The following TMCC1 variants were observed in gnomAD, a reference collection of about 807,000 sequenced individuals.
The protein encoded by TMCC1 is transmembrane and coiled-coil domains protein 1.
TMCC1 carries 15 observed loss-of-function variants against 52.4 expected under a neutral mutation model. The observed-to-expected ratio is 0.29, with a 90% CI of 0.19 to 0.44. The LOEUF (loss-of-function observed/expected upper bound fraction) is 0.44, where lower values mean the gene tolerates loss of function less well. TMCC1 is among the 20% of genes least tolerant of loss of function. The pLI is 1.00. For missense variants in TMCC1, 503 were observed against 806.0 expected (o/e 0.62, Z 4.55); for synonymous variants, 279 against 301.9 (o/e 0.92, Z 0.79).
intron 2 of TMCC1, among the ~76,000 whole-genome samples, chr3:129,837,375 C>T (rs963720339): frequency 6.6e-6 from 1 of 152,024 alleles, no homozygotes; most frequent in Non-Finnish European, 1.5e-5. Context: ...AAACCCAAAG[C>T]CAAGCAGGAA....
chr3:129,804,025 A>G (rs890760932), intron 4 of TMCC1, among the ~76,000 whole-genome samples: 1 of 152,158 alleles, frequency 6.6e-6, no homozygotes. Flanking sequence ...GAACATGAAC[A>G]TTACCTTAGT....
intron 2 of TMCC1, among the ~76,000 whole-genome samples, chr3:129,872,692 CATA>C (rs972739023): frequency 1.1e-4 from 17 of 151,742 alleles, no homozygotes; most frequent in African/African-American, 3.9e-4. Flanking sequence ...GAAAAGCCAA[CATA>C]ATGAGGAAAA....
Position 129,649,663 on chromosome 3 carries a change from A to G in TMCC1, c.*1818T>C, listed in dbSNP as rs926602053. 1.3e-5 allele frequency: 2 copies of G among 152,632 alleles called. No individual in the cohort carries two copies. Among genetic ancestry groups the G allele is most frequent in the Non-Finnish European group, 2.9e-5 (2 of 68,028 alleles). The allele number at this position is 152,632 out of a possible 1,614,324, so 9.5% of individuals were successfully genotyped here. A position where few individuals can be genotyped will look rare whatever the true frequency, so the allele number is the denominator to read the frequency against. The stretch of plus-strand genomic sequence containing the variant: ...ACTGTCCTTTCAGACAGGCAGGGCA[A>G]TGCTAATCTAGTTCTGAAGGAATTT... On this transcript the variant is annotated 3_prime_UTR_variant, in exon 7 of 7. Transcript: ENST00000393238.
At chr3:129,699,424 G>C (rs2047650498) in intron 4 of TMCC1, among the ~76,000 whole-genome samples, 1 of 152,158 alleles carries the variant, frequency 6.6e-6, no homozygotes, top group Admixed American at 6.5e-5. Flanking sequence ...CTAAAAGTGG[G>C]AGGAACCTTG....
chr3:129,734,799 C>G (rs911748680), intron 4 of TMCC1, among the ~76,000 whole-genome samples: 2 of 152,112 alleles, frequency 1.3e-5, no homozygotes, highest in Admixed American at 1.3e-4. Context: ...ATGAAAGTAC[C>G]AAGTTTGAAA....
intron 4 of TMCC1, among the ~76,000 whole-genome samples, chr3:129,727,593 T>C (rs1040511003): frequency 3.3e-5 from 5 of 152,238 alleles, no homozygotes; most frequent in African/African-American, 1.2e-4. Context: ...CAATTATTCC[T>C]TCTTAGATAA....
chr3:129,760,010 C>T (rs2053392270), intron 4 of TMCC1, among the ~76,000 whole-genome samples: 1 of 151,436 alleles, frequency 6.6e-6, no homozygotes, highest in East Asian at 1.9e-4. Context: ...AGTGAGCCAC[C>T]GCACCCGGCC....
intron 4 of TMCC1, among the ~76,000 whole-genome samples, chr3:129,758,999 C>A (rs181061906): frequency 2.6e-5 from 4 of 152,272 alleles, no homozygotes; most frequent in East Asian, 3.9e-4. Context: ...AACTTCCTTC[C>A]TTTTTAAGGC....
At chr3:129,864,079 C>T (rs1481446045) in intron 2 of TMCC1, among the ~76,000 whole-genome samples, 1 of 152,170 alleles carries the variant, frequency 6.6e-6, no homozygotes, top group Non-Finnish European at 1.5e-5. Context: ...CCTCTTGCAT[C>T]CTTGTGCAGT....
chr3:129,834,606 T>C (rs527374173), intron 2 of TMCC1, among the ~76,000 whole-genome samples: 41 of 152,140 alleles, frequency 2.7e-4, no homozygotes, highest in African/African-American at 8.7e-4. Flanking sequence ...TCATGTAAGA[T>C]GCATGAGAGG....
chr3:129,720,113 T>C (rs1009296124), intron 4 of TMCC1, among the ~76,000 whole-genome samples: 1 of 148,162 alleles, frequency 6.7e-6, no homozygotes, highest in Admixed American at 6.9e-5. Flanking sequence ...GCCCAGGAGA[T>C]CCAGGCTGCA....
intron 4 of TMCC1, among the ~76,000 whole-genome samples, chr3:129,748,764 A>G (rs2052225167): frequency 6.6e-6 from 1 of 151,686 alleles, no homozygotes; most frequent in Non-Finnish European, 1.5e-5. Flanking sequence ...GCACTTTGGG[A>G]GGCTGAGGCG....
chr3:129,656,928 A>G (rs556038982), intron 5 of TMCC1, among the ~76,000 whole-genome samples: 2 of 152,328 alleles, frequency 1.3e-5, no homozygotes, highest in South Asian at 4.1e-4. Flanking sequence ...AAATGCCATA[A>G]GATAATGTTA....
At chr3:129,679,497 G>A (rs1369945166) in intron 4 of TMCC1, among the ~76,000 whole-genome samples, 1 of 152,052 alleles carries the variant, frequency 6.6e-6, no homozygotes. Flanking sequence ...GTAGAGATGG[G>A]GTTTCCCCAT....
intron 2 of TMCC1, among the ~76,000 whole-genome samples, chr3:129,835,368 T>C (rs2059113628): frequency 1.3e-5 from 2 of 151,962 alleles, no homozygotes; most frequent in Admixed American, 1.3e-4. Context: ...GCTTTTCCCA[T>C]CTGTTAGCAT....
At position 129,828,114 on chromosome 3, in the gene TMCC1, A is replaced by T. The variant is rs752898905; in HGVS notation, c.265T>A (p.Cys89Ser). The T allele has an allele frequency of 6.2e-7, 1 of 1,614,158 alleles. No homozygotes were observed. Among genetic ancestry groups the T allele is most frequent in the Non-Finnish European group, 8.5e-7 (1 of 1,180,008 alleles). ...PEMDLESQNA[C>S]AEIDGVPTHP... ...GTGGGGACACCATCAATCTCAGCACATGCGTTCTGGCTTTCCAGATCCATT... is the reference window on the plus strand; with the variant it reads ...GTGGGGACACCATCAATCTCAGCACTTGCGTTCTGGCTTTCCAGATCCATT... The change falls in exon 4 of 7, where the codon TGT (cysteine) becomes AGT (serine). Residue 89 changes from cysteine (C) to serine (S), a missense_variant. Physicochemically the swap from Cys to Ser is moderately radical, Grantham distance 112 (BLOSUM62 -1). This residue lies in a region of TMCC1 where 217 missense variants were observed against 297.9 expected (regional missense o/e 0.73). Transcript: ENST00000393238. The surrounding 1 kb of genome is among the most constrained non-coding windows in gnomAD (Gnocchi z 4.1).
intron 4 of TMCC1, among the ~76,000 whole-genome samples, chr3:129,694,996 C>A (rs368101331): frequency 7.1e-6 from 1 of 140,252 alleles, no homozygotes; most frequent in South Asian, 2.3e-4. Flanking sequence ...ATTTGGGAGG[C>A]TGAGATGGGA....
At chr3:129,673,547 T>C (rs567079227) in intron 4 of TMCC1, among the ~76,000 whole-genome samples, 3 of 152,288 alleles carry the variant, frequency 2.0e-5, no homozygotes, top group Non-Finnish European at 2.9e-5. Context: ...ATGCAATCTG[T>C]AGACTAAAGA....
At position 129,828,364 on chromosome 3, in the gene TMCC1, G is replaced by A; in HGVS notation, c.15C>T (p.Gly5=). The A allele has an allele frequency of 6.2e-7, 1 of 1,613,638 alleles. No homozygotes were observed. Residue 5 remains glycine, a synonymous_variant, in exon 4 of 7, where the codon GGC becomes GGT. Coordinates refer to ENST00000393238, the MANE Select transcript of TMCC1 (RefSeq NM_001017395.5). This position sits in a 1 kb window ranked among gnomAD's most constrained non-coding sequence, Gnocchi z 4.1. MEPS[G]SEQLFEDPDP... Reference sequence around the variant, plus strand: ...CAGGGTCCTCAAATAACTGTTCACTGCCCGAAGGCTCCATCAGTAGACTTA... The same window carrying A: ...CAGGGTCCTCAAATAACTGTTCACTACCCGAAGGCTCCATCAGTAGACTTA...
Sources: gnomAD v4.1 joint callset for allele counts (sites outside exome capture counted in the v4.1 genomes callset) on GRCh38, gnomAD v4.1.1 for gene constraint, gnomAD v4.1.1 regional missense constraint, Gnocchi (gnomAD v3.1) non-coding constraint, MANE v1.5 for transcripts, NCBI Gene and HGNC (gene_info 2026-07-23, HGNC 2026-07-21) for gene names.